PCDHGA7: variants seen among roughly 807,000 people sequenced by gnomAD.
The protein encoded by PCDHGA7 is protocadherin gamma subfamily A, 7.
PCDHGA7 carries 44 observed loss-of-function variants against 58.3 expected under a neutral mutation model. That is an observed-to-expected ratio of 0.75 (90% CI 0.59 to 0.97). The LOEUF (loss-of-function observed/expected upper bound fraction) is 0.97. PCDHGA7 is among the 50% of genes least tolerant of loss of function. The pLI is 0.00. For missense variants in PCDHGA7, 1,266 were observed against 1,188.7 expected (o/e 1.06, Z -0.96); for synonymous variants, 516 against 504.2 (o/e 1.02, Z -0.31).
intron 1 of PCDHGA7, chr5:141,423,421 G>A (rs772863950): frequency 1.2e-6 from 2 of 1,614,080 alleles, no homozygotes; most frequent in Non-Finnish European, 1.7e-6. Flanking sequence ...TTCTGAAGGC[G>A]GGTTGGCAGG....
Position 141,485,875 on chromosome 5 carries a change from C to T in PCDHGA7, c.2425-8932C>T, listed in dbSNP as rs1254918181. The T allele has an allele frequency of 1.9e-6, 3 of 1,614,150 alleles. No homozygotes were observed. The highest frequency in any genetic ancestry group is 2.2e-5 in the East Asian group (1 of 44,862). On this transcript the variant is annotated intron_variant, in intron 1 of 3. Transcript: ENST00000518325. This position sits in a 1 kb window ranked among gnomAD's most constrained non-coding sequence, Gnocchi z 5.7. ...CAGAGCTCCGGGTATCCGTGCTGGACGTAAACGACAACGCCCCAGCCTTCC... is the reference window on the plus strand; with the variant it reads ...CAGAGCTCCGGGTATCCGTGCTGGATGTAAACGACAACGCCCCAGCCTTCC...
In PCDHGA7 at chr5:141,384,788, G is replaced by A; in HGVS notation, c.1889G>A (p.Arg630Gln). The A allele has an allele frequency of 1.2e-6, 2 of 1,613,236 alleles. No homozygotes were observed. Among genetic ancestry groups the A allele is most frequent in the Non-Finnish European group, 1.7e-6 (2 of 1,179,888 alleles). The change falls in exon 1 of 4, where the codon CGG becomes CAG. Residue 630 changes from arginine to glutamine, a missense_variant. Coordinates refer to ENST00000518325, the MANE Select transcript of PCDHGA7 (RefSeq NM_018920.4). Reference sequence around the variant, plus strand: ...TACACGGGCGAGGTGCGCACGGCTCGGGCCCTGCTGGACAGAGATGCCCTC... The same window carrying A: ...TACACGGGCGAGGTGCGCACGGCTCAGGCCCTGCTGGACAGAGATGCCCTC... Reference protein sequence around the residue: ...GLYTGEVRTARALLDRDALKQ... With the variant: ...GLYTGEVRTAQALLDRDALKQ...
intron 1 of PCDHGA7, among the ~76,000 whole-genome samples, chr5:141,479,817 A>T (rs773702225): frequency 6.6e-6 from 1 of 152,230 alleles, no homozygotes; most frequent in Non-Finnish European, 1.5e-5. Flanking sequence ...CAAGGATACT[A>T]TCCAAGGCAT....
At chr5:141,446,049 G>T (rs1043671484) in intron 1 of PCDHGA7, among the ~76,000 whole-genome samples, 1 of 152,100 alleles carries the variant, frequency 6.6e-6, no homozygotes, top group African/African-American at 2.4e-5. Context: ...AAGAAGAGCT[G>T]GCTTGGATTA....
chr5:141,383,790 T>C lies in PCDHGA7; in HGVS notation c.891T>C (p.Leu297=). Residue 297 remains leucine (L), a synonymous_variant, in exon 1 of 4, where the codon CTT becomes CTC. Coordinates refer to ENST00000518325, the MANE Select transcript of PCDHGA7 (RefSeq NM_018920.4). ...CAAAGATGTTTCATCTGAACTCGCT[T>C]ACAGGAGAAATATCAACTTTAGAAG... ...KLPKMFHLNS[L]TGEISTLEGL... is the part of the protein sequence containing the mutation. The C allele has an allele frequency of 6.2e-7, 1 of 1,614,006 alleles. No homozygotes were observed.
intron 1 of PCDHGA7, among the ~76,000 whole-genome samples, chr5:141,481,400 T>C (rs2154578591): frequency 6.6e-6 from 1 of 152,358 alleles, no homozygotes; most frequent in East Asian, 1.9e-4. Context: ...GTGACAAAAT[T>C]CTTGTATAAT....
rs143779180 is a variant in PCDHGA7 at position 141,485,438 on chromosome 5, C to A, written c.2425-9369C>A. The A allele has an allele frequency of 9.9e-6, 16 of 1,614,170 alleles. No individual in the cohort carries two copies. The African/African-American group carries it at 1.3e-4, about 13-fold the overall frequency. Reference sequence around the variant, plus strand: ...CAGCGGAGCCCTGCTCATCAAGAACCCAATCGACCGAGAGGCACTGTGTGG... The same window carrying A: ...CAGCGGAGCCCTGCTCATCAAGAACACAATCGACCGAGAGGCACTGTGTGG... On this transcript the variant is annotated intron_variant, in intron 1 of 3. Coordinates refer to ENST00000518325, the MANE Select transcript of PCDHGA7 (RefSeq NM_018920.4). The surrounding 1 kb of genome is among the most constrained non-coding windows in gnomAD (Gnocchi z 5.7).
rs539348000 is a variant in PCDHGA7 at position 141,504,908 on chromosome 5, G to A, written c.2484-485G>A. 5.9e-5 allele frequency among the ~76,000 whole-genome samples: 9 copies of A among 152,208 alleles called. No homozygotes were observed. In the East Asian group the frequency reaches 1.7e-3, roughly 29 times the overall value. On this transcript the variant is annotated intron_variant, in intron 2 of 3. Coordinates refer to ENST00000518325, the MANE Select transcript of PCDHGA7 (RefSeq NM_018920.4). Reference sequence around the variant, plus strand: ...AGGTCTGATCTCCCTCACTATGACAGGAAGCCAGGCTCTCTCATGGTGGGT... The same window carrying A: ...AGGTCTGATCTCCCTCACTATGACAAGAAGCCAGGCTCTCTCATGGTGGGT...
chr5:141,390,099 C>T (rs1252752587), intron 1 of PCDHGA7: 2 of 1,614,052 alleles, frequency 1.2e-6, no homozygotes, highest in Admixed American at 3.3e-5. Context: ...CGTGGTTCCC[C>T]CCAACTACAG....
intron 1 of PCDHGA7, chr5:141,389,862 C>CGTGG (rs2091951757): frequency 6.2e-7 from 1 of 1,613,964 alleles, no homozygotes; most frequent in Non-Finnish European, 8.5e-7. Flanking sequence ...CACGTTGCAC[C>CGTGG]TGGTCTTCGC....
chr5:141,429,387 T>TTAA (rs775632416), intron 1 of PCDHGA7, among the ~76,000 whole-genome samples: 1 of 151,334 alleles, frequency 6.6e-6, no homozygotes, highest in Non-Finnish European at 1.5e-5. Flanking sequence ...GTTTTTTTTT[T>TTAA]AAAAAAAATT....
rs2099748032 is a variant in PCDHGA7 at position 141,493,397 on chromosome 5, G to A, written c.2425-1410G>A. ...TTAAAAGCTTGAGGACAGGAGAGGG[G>A]AGTTGCCTCTGCTGGGATTTTGCTT... On this transcript the variant is annotated intron_variant, in intron 1 of 3. Coordinates refer to ENST00000518325, the MANE Select transcript of PCDHGA7 (RefSeq NM_018920.4). This position sits in a 1 kb window ranked among gnomAD's most constrained non-coding sequence, Gnocchi z 4.3. Among the ~76,000 whole-genome samples the A allele has an allele frequency of 6.6e-6, 1 of 152,176 alleles. No individual in the cohort carries two copies. Among genetic ancestry groups the A allele is most frequent in the Non-Finnish European group, 1.5e-5 (1 of 68,040 alleles).
chr5:141,464,707 A>G (rs1052234067), intron 1 of PCDHGA7, among the ~76,000 whole-genome samples: 13 of 152,112 alleles, frequency 8.5e-5, no homozygotes, highest in African/African-American at 3.1e-4. Flanking sequence ...ATGAGGTTAA[A>G]TAGTTTTTCA....
rs572270591 is a variant in PCDHGA7, at chr5:141,397,633, T to C, written c.2424+12310T>C. The stretch of plus-strand genomic sequence containing the variant: ...GGCAATACTTAGTTCTAGCTAAGAG[T>C]TCAAGGTATGTTTGCAGAATGGTGA... On this transcript the variant is annotated intron_variant, in intron 1 of 3. Coordinates refer to ENST00000518325, the MANE Select transcript of PCDHGA7 (RefSeq NM_018920.4). Among the ~76,000 whole-genome samples, 5 of 152,252 alleles carry C rather than the reference T, an allele frequency of 3.3e-5. No homozygotes were observed. In the East Asian group the frequency reaches 9.7e-4, roughly 29 times the overall value.
chr5:141,443,167 C>T (rs745545091), intron 1 of PCDHGA7, among the ~76,000 whole-genome samples: 4 of 152,084 alleles, frequency 2.6e-5, no homozygotes, highest in Non-Finnish European at 5.9e-5. Flanking sequence ...TTTCCCTACC[C>T]ATGTCCACTG....
intron 1 of PCDHGA7, chr5:141,403,947 A>C (rs1451597441): frequency 6.2e-7 from 1 of 1,613,886 alleles, no homozygotes; most frequent in Admixed American, 1.7e-5. Flanking sequence ...GGGTGGACAA[A>C]AGTGCTCATT....
intron 1 of PCDHGA7, chr5:141,394,909 C>A (rs1349151273): frequency 1.9e-6 from 3 of 1,613,418 alleles, no homozygotes; most frequent in East Asian, 4.5e-5. Context: ...GCAGTGGCTG[C>A]CATCTCCTGT....
intron 1 of PCDHGA7, among the ~76,000 whole-genome samples, chr5:141,401,348 A>G (rs1312849099): frequency 2.0e-5 from 3 of 152,220 alleles, no homozygotes; most frequent in African/African-American, 4.8e-5. Flanking sequence ...ATCTCAAAAA[A>G]AAGGAAGGAG....
chr5:141,473,263 T>C (rs2099318134), intron 1 of PCDHGA7, among the ~76,000 whole-genome samples: 1 of 152,210 alleles, frequency 6.6e-6, no homozygotes, highest in African/African-American at 2.4e-5. Context: ...GTCCTTAGTG[T>C]ATGCTATGAT....
Sources: allele counts gnomAD v4.1 joint callset (sites outside exome capture counted in the v4.1 genomes callset), GRCh38; gene constraint gnomAD v4.1.1; non-coding constraint Gnocchi (gnomAD v3.1); transcripts MANE v1.5; gene names NCBI Gene and HGNC (gene_info 2026-07-23, HGNC 2026-07-21).